Variants in PNPT1 observed in about 807,000 individuals in gnomAD.
PNPT1 encodes polyribonucleotide nucleotidyltransferase 1.
PNPT1 carries 53 observed loss-of-function variants against 119.5 expected under a neutral mutation model. The observed-to-expected ratio is 0.44, with a 90% CI of 0.36 to 0.56. The LOEUF is 0.56. Ranked by LOEUF, PNPT1 falls within the 20% of genes least tolerant of loss-of-function variation. PNPT1 has a pLI of 0.00. For missense variants in PNPT1, 948 were observed against 938.5 expected (o/e 1.01, Z -0.13); for synonymous variants, 357 against 322.1 (o/e 1.11, Z -1.16).
At chr2:55,650,844 T>C (rs1458194152) in intron 18 of PNPT1, among the ~76,000 whole-genome samples, 2 of 149,664 alleles carry the variant, frequency 1.3e-5, no homozygotes, top group Non-Finnish European at 3.0e-5. Context: ...CCACCCCGTC[T>C]GGGAAGTGAG....
At chr2:55,661,129 G>A (rs775889760) in intron 14 of PNPT1, among the ~76,000 whole-genome samples, 28 of 123,518 alleles carry the variant, frequency 2.3e-4, no homozygotes, top group Non-Finnish European at 3.2e-4. Flanking sequence ...ACAGAGTCTC[G>A]CTCTGTCGTC....
intron 1 of PNPT1, among the ~76,000 whole-genome samples, chr2:55,689,413 C>T (rs978600724): frequency 6.6e-6 from 1 of 152,176 alleles, no homozygotes; most frequent in East Asian, 1.9e-4. Context: ...TATGAATGTT[C>T]CTTGTAGCAT....
chr2:55,650,841 G>A (rs1349689402), intron 18 of PNPT1, among the ~76,000 whole-genome samples: 5 of 150,492 alleles, frequency 3.3e-5, no homozygotes, highest in Admixed American at 1.3e-4. Flanking sequence ...CAGCCACCCC[G>A]TCTGGGAAGT....
At chr2:55,649,111 T>G (rs985452094) in intron 18 of PNPT1, among the ~76,000 whole-genome samples, 3 of 152,150 alleles carry the variant, frequency 2.0e-5, no homozygotes, top group African/African-American at 7.2e-5. Context: ...GTCAGACATC[T>G]CCAGCTAAAT....
intron 26 of PNPT1, among the ~76,000 whole-genome samples, chr2:55,638,163 G>A (rs1471954677): frequency 2.0e-5 from 3 of 150,042 alleles, no homozygotes; most frequent in Non-Finnish European, 4.4e-5. Context: ...CTAGCTGGGT[G>A]TCGTGGCACA....
Position 55,680,791 on chromosome 2 carries a change from T to C in PNPT1, c.518-32A>G, listed in dbSNP as rs1245652774. ...AAAGGAGAAAAATCAGGGCCGAAAT[T>C]AAAATTTCATTGCTTTAAAAAAATT... is the stretch of plus-strand genomic sequence containing the variant. On this transcript the variant is annotated intron_variant, in intron 6 of 27. Transcript: ENST00000447944. 12 of 1,612,544 alleles carry C rather than the reference T, an allele frequency of 7.4e-6. No individual in the cohort carries two copies. The Admixed American group carries it at 1.2e-4, about 16-fold the overall frequency.
chr2:55,676,862 CAAAA>C (rs1233955537), intron 8 of PNPT1, among the ~76,000 whole-genome samples: 1 of 103,796 alleles, frequency 9.6e-6, no homozygotes. Flanking sequence ...ACCTGGTCTC[CAAAA>C]AAAAAAAAAA....
intron 13 of PNPT1, among the ~76,000 whole-genome samples, chr2:55,663,587 T>C (rs1364896052): frequency 1.3e-5 from 2 of 152,122 alleles, no homozygotes; most frequent in Non-Finnish European, 2.9e-5. Flanking sequence ...AAACCAAAGA[T>C]GAGGTGCAAA....
chr2:55,673,263 A>C (rs1013066107), intron 8 of PNPT1, among the ~76,000 whole-genome samples, 184 bp from the exon 9 acceptor site: 10 of 152,132 alleles, frequency 6.6e-5, no homozygotes, highest in Non-Finnish European at 1.3e-4. Flanking sequence ...TAAATGAATA[A>C]AGACACCTTG....
chr2:55,667,833 T>G, intron 12 of PNPT1, 29 bp downstream of exon 12: 1 of 1,590,314 alleles, frequency 6.3e-7, no homozygotes. Context: ...AGTGCATACT[T>G]CAATTTCAAC....
At position 55,634,451 on chromosome 2, in the gene PNPT1, G is replaced by A. The variant is rs1377665519; in HGVS notation, c.*1786C>T. 1 of 151,412 alleles carries A rather than the reference G, an allele frequency of 6.6e-6. No individual in the cohort carries two copies. Among genetic ancestry groups the A allele is most frequent in the Non-Finnish European group, 1.5e-5 (1 of 67,954 alleles). 9.4% of individuals were successfully genotyped at this position (151,412 alleles called of 1,614,324 possible). ...TAATTTTTGTATTTTTAGTAGAGATGGGGTTTTACCGTGTTGGCCAGGCTG... is the reference window on the plus strand; with the variant it reads ...TAATTTTTGTATTTTTAGTAGAGATAGGGTTTTACCGTGTTGGCCAGGCTG... On this transcript the variant is annotated 3_prime_UTR_variant, in exon 28 of 28. Coordinates refer to ENST00000447944, the MANE Select transcript of PNPT1 (RefSeq NM_033109.5).
At chr2:55,682,173 T>A (rs1174629946) in intron 5 of PNPT1, among the ~76,000 whole-genome samples, 1 of 150,966 alleles carries the variant, frequency 6.6e-6, no homozygotes, top group African/African-American at 2.4e-5. Flanking sequence ...AATAAAAAAT[T>A]TCTGTTGGCC....
chr2:55,665,019 A>T (rs1696690840), intron 13 of PNPT1, among the ~76,000 whole-genome samples: 1 of 152,184 alleles, frequency 6.6e-6, no homozygotes. Context: ...TTTTGAGGGG[A>T]TTGAACAAAC....
intron 8 of PNPT1, among the ~76,000 whole-genome samples, chr2:55,675,573 C>T (rs1032264362): frequency 7.2e-5 from 11 of 152,074 alleles, no homozygotes; most frequent in Admixed American, 2.6e-4. Flanking sequence ...TGACATGTGC[C>T]TGGATTCCCA....
intron 15 of PNPT1, among the ~76,000 whole-genome samples, chr2:55,657,572 G>A (rs1351505049): frequency 6.6e-6 from 1 of 151,094 alleles, no homozygotes; most frequent in Non-Finnish European, 1.5e-5. Flanking sequence ...CTTTTAGTAG[G>A]ACAGAGTTTC....
intron 13 of PNPT1, among the ~76,000 whole-genome samples, chr2:55,662,857 G>A (rs1179143695): frequency 6.6e-6 from 1 of 151,292 alleles, no homozygotes; most frequent in East Asian, 2.0e-4. Context: ...AGTTGATTAA[G>A]ATGGTGGATT....
intron 1 of PNPT1, among the ~76,000 whole-genome samples, chr2:55,689,868 C>G (rs1697535784): frequency 6.6e-6 from 1 of 152,188 alleles, no homozygotes; most frequent in Non-Finnish European, 1.5e-5. Flanking sequence ...GTTGCCCAGG[C>G]TGGAGTGCCG....
intron 23 of PNPT1, among the ~76,000 whole-genome samples, 157 bp from the exon 24 acceptor site, chr2:55,643,582 A>G (rs1381332938): frequency 1.3e-5 from 2 of 152,070 alleles, no homozygotes; most frequent in Non-Finnish European, 2.9e-5. Context: ...CTGTTACTAC[A>G]AAAAATAAAT....
At chr2:55,685,105 T>G (rs1333983116) in intron 3 of PNPT1, 57 bp from the exon 4 acceptor site, 1 of 1,305,730 alleles carries the variant, frequency 7.7e-7, no homozygotes, top group African/African-American at 1.5e-5. Context: ...CAAACTATAC[T>G]GTATGAATGC....
Sources: allele counts gnomAD v4.1 joint callset (sites outside exome capture counted in the v4.1 genomes callset), GRCh38; gene constraint gnomAD v4.1.1; transcripts MANE v1.5; gene names NCBI Gene and HGNC (gene_info 2026-07-23, HGNC 2026-07-21).